Variants in AP4E1 observed in about 807,000 individuals in gnomAD.
AP4E1 encodes adaptor related protein complex 4 subunit epsilon 1.
AP4E1 carries 56 observed loss-of-function variants against 128.2 expected under a neutral mutation model. That is an observed-to-expected ratio of 0.44 (90% CI 0.35 to 0.55). The LOEUF (loss-of-function observed/expected upper bound fraction) is 0.55. Ranked by LOEUF, AP4E1 falls within the 20% of genes least tolerant of loss-of-function variation. AP4E1 has a pLI of 0.00. For synonymous variants in AP4E1, 484 were observed against 473.1 expected (o/e 1.02, Z -0.30); for missense variants, 1,324 against 1,307.7 (o/e 1.01, Z -0.19).
chr15:50,942,075 C>T (rs926779911), intron 10 of AP4E1, among the ~76,000 whole-genome samples: 3 of 152,048 alleles, frequency 2.0e-5, no homozygotes, highest in Admixed American at 1.3e-4. Context: ...TGCCACCACG[C>T]GTGGCTAATT....
At chr15:50,922,620 A>G (rs2063720090) in intron 3 of AP4E1, among the ~76,000 whole-genome samples, 1 of 152,180 alleles carries the variant, frequency 6.6e-6, no homozygotes, top group African/African-American at 2.4e-5. Flanking sequence ...AAGAACGAAA[A>G]ACAATGAGCA....
At chr15:50,962,042 C>T (rs2064322653) in intron 14 of AP4E1, among the ~76,000 whole-genome samples, 1 of 151,404 alleles carries the variant, frequency 6.6e-6, no homozygotes, top group African/African-American at 2.4e-5. Context: ...CAATACAATA[C>T]TTGGAATAAA....
rs748280262 is a variant in AP4E1, at chr15:50,934,586, A to G, written c.870-38A>G. 1.9e-5 allele frequency: 26 copies of G among 1,391,304 alleles called. No individual in the cohort carries two copies. The Middle Eastern group carries it at 8.8e-4, about 47-fold the overall frequency. The allele number at this position is 1,391,304 out of a possible 1,614,324, so 86.2% of individuals were successfully genotyped here. A position where few individuals can be genotyped will look rare whatever the true frequency, so the allele number is the denominator to read the frequency against. ...AAAAACTGTTTTATTGGGTTAGAAT[A>G]CTATAATTCTACTGCAAATAAAATA... On this transcript the variant is annotated intron_variant, in intron 7 of 20. Transcript: ENST00000261842.
intron 15 of AP4E1, among the ~76,000 whole-genome samples, chr15:50,972,491 T>C (rs911772202): frequency 2.6e-5 from 4 of 152,162 alleles, no homozygotes; most frequent in Non-Finnish European, 5.9e-5. Flanking sequence ...GGATTACAAG[T>C]GTGAGCCACA....
intron 14 of AP4E1, among the ~76,000 whole-genome samples, chr15:50,960,831 A>C: frequency 6.6e-6 from 1 of 151,964 alleles, no homozygotes; most frequent in African/African-American, 2.4e-5. Context: ...AAAAAAAAAG[A>C]GACAAAAAGT....
At position 50,940,671 on chromosome 15, in the gene AP4E1, A is replaced by G. The variant is rs938538647; in HGVS notation, c.944-771A>G. On this transcript the variant is annotated intron_variant, in intron 8 of 20. Transcript: ENST00000261842. ...AACACATAAGACTTAATGTCCTTTC[A>G]GTGATTTTTCTTTATCATGGCAAAG... Among the ~76,000 whole-genome samples the G allele has an allele frequency of 3.9e-5, 6 of 152,268 alleles. No individual in the cohort carries two copies. The East Asian group carries it at 9.6e-4, about 24-fold the overall frequency.
chr15:50,934,862 G>A (rs1043133442), intron 8 of AP4E1, among the ~76,000 whole-genome samples, 165 bp downstream of exon 8: 5 of 151,980 alleles, frequency 3.3e-5, no homozygotes, highest in African/African-American at 1.2e-4. Context: ...ATTACTGATA[G>A]ATAAGAGTAA....
At chr15:50,995,399 CTT>C (rs34400855) in intron 17 of AP4E1, among the ~76,000 whole-genome samples, 15 of 136,722 alleles carry the variant, frequency 1.1e-4, no homozygotes, top group Non-Finnish European at 1.6e-4. Flanking sequence ...ATTTCACCTT[CTT>C]TTTTTTTTTT....
chr15:50,938,577 T>C (rs2063940474), intron 8 of AP4E1, among the ~76,000 whole-genome samples: 1 of 152,044 alleles, frequency 6.6e-6, no homozygotes, highest in Non-Finnish European at 1.5e-5. Flanking sequence ...ACTTGGGAAG[T>C]CTGGATTTTT....
chr15:50,942,398 A>T (rs9944192), intron 10 of AP4E1, among the ~76,000 whole-genome samples: 1 of 151,990 alleles, frequency 6.6e-6, no homozygotes, highest in Non-Finnish European at 1.5e-5. Flanking sequence ...AGGTCTTCCT[A>T]TTAGTACAAT....
At chr15:50,955,945 C>T (rs7168385) in intron 13 of AP4E1, among the ~76,000 whole-genome samples, 65,966 of 151,914 alleles carry the variant, frequency 0.43, 14,518 homozygotes, top group East Asian at 0.59. Flanking sequence ...AGGAGGGTTA[C>T]TGTCTGAAAC....
intron 13 of AP4E1, among the ~76,000 whole-genome samples, chr15:50,954,874 G>A (rs2064195365): frequency 6.6e-6 from 1 of 152,138 alleles, no homozygotes; most frequent in Non-Finnish European, 1.5e-5. Flanking sequence ...GCCCCAGTGT[G>A]TGATATTCCC....
chr15:50,944,729 A>G (rs1025634039), intron 10 of AP4E1: 1 of 538,392 alleles, frequency 1.9e-6, no homozygotes, highest in African/African-American at 1.9e-5. Flanking sequence ...ACTTACAGAG[A>G]GTTCCAAGAA....
Position 50,958,631 on chromosome 15 carries a change from C to G in AP4E1, c.1688C>G (p.Ser563Cys), listed in dbSNP as rs1165477384. 1 of 1,614,148 alleles carries G rather than the reference C, an allele frequency of 6.2e-7. No homozygotes were observed. The highest frequency in any genetic ancestry group is 8.5e-7 in the Non-Finnish European group (1 of 1,180,008). ...ATTGCTGCTGTGACCAAATTGACAT[C>G]TCAGGCGCACTCTTCTAATACAGTT... ...WLIAAVTKLTSQAHSSNTVER... is the reference protein window; with the variant it reads ...WLIAAVTKLTCQAHSSNTVER... The change falls in exon 14 of 21, where the codon TCT (serine) becomes TGT (cysteine). Residue 563 changes from serine to cysteine, a missense_variant. Physicochemically the swap from Ser to Cys is moderately radical, Grantham distance 112. Coordinates refer to ENST00000261842, the MANE Select transcript of AP4E1 (RefSeq NM_007347.5).
At chr15:50,982,761 A>G (rs974327983) in intron 15 of AP4E1, among the ~76,000 whole-genome samples, 1 of 152,182 alleles carries the variant, frequency 6.6e-6, no homozygotes, top group African/African-American at 2.4e-5. Flanking sequence ...GCATTTATTT[A>G]GCATTCTTTG....
At chr15:50,951,016 A>G (rs766258949) in intron 13 of AP4E1, among the ~76,000 whole-genome samples, 1 of 152,188 alleles carries the variant, frequency 6.6e-6, no homozygotes, top group Non-Finnish European at 1.5e-5. Context: ...TATCCAGTCT[A>G]TCATTGATAG....
chr15:50,968,775 G>T (rs1338073391), intron 15 of AP4E1, among the ~76,000 whole-genome samples: 1 of 152,054 alleles, frequency 6.6e-6, no homozygotes, highest in Non-Finnish European at 1.5e-5. Flanking sequence ...TTACAGGTGG[G>T]TGCCACCACA....
At chr15:50,931,307 C>T (rs2063832578) in intron 7 of AP4E1, among the ~76,000 whole-genome samples, 1 of 63,782 alleles carries the variant, frequency 1.6e-5, no homozygotes, top group Admixed American at 2.1e-4. Flanking sequence ...TGGTGGCTCA[C>T]GCCTGTAATC....
At position 50,930,924 on chromosome 15, in the gene AP4E1, A is replaced by G. The variant is rs991693986; in HGVS notation, c.822A>G (p.Gln274=). Residue 274 remains glutamine, a synonymous_variant, in exon 7 of 21, where the codon CAA becomes CAG. Coordinates refer to ENST00000261842, the MANE Select transcript of AP4E1 (RefSeq NM_007347.5). The part of the protein sequence containing the change: ...NYHSVPAPWL[Q]IQLLRILGLL... ...ACAGTGTGCCAGCACCATGGTTACA[A>G]ATTCAGCTCTTGAGAATACTGGGAC... is the stretch of plus-strand genomic sequence containing the variant. 2.1e-5 allele frequency: 34 copies of G among 1,614,004 alleles called. 1 individual carries two copies. In the African/African-American group the frequency reaches 3.1e-4, roughly 15 times the overall value.
Sources: gnomAD v4.1 joint callset for allele counts (sites outside exome capture counted in the v4.1 genomes callset) on GRCh38, gnomAD v4.1.1 for gene constraint, MANE v1.5 for transcripts, NCBI Gene and HGNC (gene_info 2026-07-23, HGNC 2026-07-21) for gene names.